Variants in AQR observed in about 807,000 individuals in gnomAD.
AQR encodes the protein aquarius intron-binding spliceosomal factor, also known as RNA helicase aquarius.
Under a neutral mutation model 180.5 loss-of-function variants are expected in AQR, and 61 were observed. The ratio of observed to expected loss-of-function variants is 0.34; its 90% CI spans 0.28 to 0.42. The LOEUF (loss-of-function observed/expected upper bound fraction) is 0.42, where lower values mean the gene tolerates loss of function less well. Among genes scored for constraint, AQR ranks in the 10% least tolerant of loss-of-function variants. The pLI, the probability that AQR is intolerant of heterozygous loss-of-function variation, is 1.00. For missense variants in AQR, 1,281 were observed against 1,798.3 expected, an observed-to-expected ratio of 0.71 and a Z score of 5.20; for synonymous variants, 551 against 588.8, an observed-to-expected ratio of 0.94 and a Z score of 0.93.
chr15:34,895,703 T>C (rs2061078768), intron 22 of AQR, among the ~76,000 whole-genome samples: 1 of 151,968 alleles, frequency 6.6e-6, no homozygotes, highest in South Asian at 2.1e-4. Flanking sequence ...CAAAATACAT[T>C]AAGCAAAAAT....
rs972073320 is a variant in AQR at position 34,851,883 on chromosome 15, T to C, written c.*4909A>G. ...TAAAATGTAAACAGAGAATGCTCAG[T>C]GACCTTTTCTTAGGAGGCTCACATG... is the stretch of plus-strand genomic sequence containing the variant. On this transcript the variant is annotated 3_prime_UTR_variant, in exon 35 of 35. Coordinates refer to ENST00000156471, the MANE Select transcript of AQR (RefSeq NM_014691.3). The C allele has an allele frequency of 1.3e-5, 2 of 152,222 alleles. No homozygotes were observed. Among genetic ancestry groups the C allele is most frequent in the African/African-American group, 4.8e-5 (2 of 41,448 alleles). The allele number at this position is 152,222 out of a possible 1,614,324, so 9.4% of individuals were successfully genotyped here. A position where few individuals can be genotyped will look rare whatever the true frequency, so the allele number is the denominator to read the frequency against.
chr15:34,902,509 T>C (rs2140477235), intron 19 of AQR, among the ~76,000 whole-genome samples: 1 of 152,232 alleles, frequency 6.6e-6, no homozygotes, highest in South Asian at 2.1e-4. Flanking sequence ...TTCAGGACAC[T>C]TTTATCCACA....
Position 34,915,187 on chromosome 15 carries a change from G to T in AQR, c.1343-8C>A. ...TGGGAAGAGCAAGACAACCTGAAAA[G>T]GAAAAAAACATCCATATTTCAATTT... On this transcript the variant is annotated splice_region_variant and splice_polypyrimidine_tract_variant and intron_variant, in intron 15 of 34. Transcript: ENST00000156471. 6.4e-7 allele frequency: 1 copy of T among 1,566,334 alleles called. No individual in the cohort carries two copies. The highest frequency in any genetic ancestry group is 8.6e-7 in the Non-Finnish European group (1 of 1,164,632).
At chr15:34,956,310 G>A (rs936742861) in intron 3 of AQR, among the ~76,000 whole-genome samples, 1 of 151,190 alleles carries the variant, frequency 6.6e-6, no homozygotes, top group Non-Finnish European at 1.5e-5. Flanking sequence ...ATACCGGAGT[G>A]TACTAGTTAA....
In AQR at chr15:34,948,258, A is replaced by C; in HGVS notation, c.330+6T>G. 1.2e-6 allele frequency: 2 copies of C among 1,613,240 alleles called. No homozygotes were observed. Among genetic ancestry groups the C allele is most frequent in the Non-Finnish European group, 8.5e-7 (1 of 1,179,734 alleles). ...TGAAAGCTATGAAGTACTTTAAATC[A>C]GTTACCTCCCATGCAGGCACGTTTT... On this transcript the variant is annotated splice_donor_region_variant and intron_variant, in intron 5 of 34. Transcript: ENST00000156471.
At position 34,950,335 on chromosome 15, in the gene AQR, G is replaced by A. The variant is rs576008591; in HGVS notation, c.210-1951C>T. ...GATCTCTTGACCTTGTGATCCACCCGCCTTGGCCTCCCAAAGTGCTGGGAT... is the reference window on the plus strand; with the variant it reads ...GATCTCTTGACCTTGTGATCCACCCACCTTGGCCTCCCAAAGTGCTGGGAT... On this transcript the variant is annotated intron_variant, in intron 4 of 34. Transcript: ENST00000156471. 1.3e-3 allele frequency among the ~76,000 whole-genome samples: 190 copies of A among 151,926 alleles called. 1 individual carries two copies. The Middle Eastern group carries it at 0.014, about 11-fold the overall frequency.
In AQR at chr15:34,875,583, G is replaced by GA. The variant is rs541546485; in HGVS notation, c.3237+351dup. Among the ~76,000 whole-genome samples, 158 of 150,878 alleles carry GA rather than the reference G, an allele frequency of 1.0e-3. 1 individual carries two copies. Among genetic ancestry groups the GA allele is most frequent in the African/African-American group, 3.7e-3 (153 of 41,190 alleles). Reference sequence around the variant, plus strand: ...GAAAAGCAATGCACTCAGTGAAAATGAAAAAAATAATTCTACAAACAATTA... The same window carrying GA: ...GAAAAGCAATGCACTCAGTGAAAATGAAAAAAAATAATTCTACAAACAATTA... On this transcript the variant is annotated intron_variant, in intron 28 of 34. Transcript: ENST00000156471.
rs546981515 is a variant in AQR at position 34,895,791 on chromosome 15, AAAC to A, written c.2460+1103_2460+1105del. On this transcript the variant is annotated intron_variant, in intron 22 of 34. Transcript: ENST00000156471. Reference sequence around the variant, plus strand: ...AATAGTCTGCTTTCAGTAATCAACAAAACAACAGACAGAAAATCAGCAATAATA... The same window carrying A: ...AATAGTCTGCTTTCAGTAATCAACAAAACAGACAGAAAATCAGCAATAATA... Among the ~76,000 whole-genome samples the A allele has an allele frequency of 1.0e-3, 159 of 152,300 alleles. 1 individual carries two copies. The highest frequency in any genetic ancestry group is 1.8e-3 in the African/African-American group (74 of 41,574).
Position 34,920,047 on chromosome 15 carries a change from G to A in AQR, c.1221+285C>T, listed in dbSNP as rs367567254. ...TTTACATTGTCAGAAAATAGCACAG[G>A]AATTTTTAGGAACTGAAAGAGACAA... On this transcript the variant is annotated intron_variant, in intron 14 of 34. Coordinates refer to ENST00000156471, the MANE Select transcript of AQR (RefSeq NM_014691.3). Among the ~76,000 whole-genome samples, 6 of 152,184 alleles carry A rather than the reference G, an allele frequency of 3.9e-5. No homozygotes were observed. The East Asian group carries it at 5.8e-4, about 15-fold the overall frequency.
intron 30 of AQR, among the ~76,000 whole-genome samples, chr15:34,872,819 C>T (rs1892839429): frequency 6.6e-6 from 1 of 151,484 alleles, no homozygotes; most frequent in East Asian, 1.9e-4. Context: ...GTATAACAAC[C>T]TATATTGGAT....
chr15:34,915,519 CTCTG>C (rs2140483543), intron 15 of AQR, among the ~76,000 whole-genome samples: 1 of 151,292 alleles, frequency 6.6e-6, no homozygotes, highest in East Asian at 2.0e-4. Context: ...GATATTTGTT[CTCTG>C]TATTAAAAAA....
intron 1 of AQR, 93 bp downstream of exon 1, chr15:34,969,446 G>T (rs187078083): frequency 1.5e-6 from 2 of 1,310,700 alleles, no homozygotes; most frequent in Middle Eastern, 1.8e-4. Flanking sequence ...TGCCTCCTCC[G>T]GACTCCTAAA....
intron 5 of AQR, among the ~76,000 whole-genome samples, chr15:34,946,898 C>T (rs1222991747): frequency 2.7e-5 from 4 of 148,900 alleles, no homozygotes; most frequent in African/African-American, 7.5e-5. Context: ...GGGGGGTCAG[C>T]CCCCCGTCCG....
intron 5 of AQR, among the ~76,000 whole-genome samples, chr15:34,945,900 T>C (rs998213856): frequency 2.0e-5 from 3 of 152,194 alleles, no homozygotes; most frequent in Non-Finnish European, 1.5e-5. Flanking sequence ...CTGATCAAGC[T>C]TCTGTTGCAC....
chr15:34,895,189 T>A (rs1371172359), intron 22 of AQR, among the ~76,000 whole-genome samples: 1,297 of 12,616 alleles, frequency 0.1, 32 homozygotes, highest in Non-Finnish European at 0.13. Context: ...AAAAAAAAAA[T>A]ATATATATAT....
chr15:34,897,534 C>T (rs771108390), intron 21 of AQR, 25 bp downstream of exon 21: 16 of 1,610,898 alleles, frequency 9.9e-6, no homozygotes, highest in African/African-American at 2.7e-5. Flanking sequence ...TTCATCATTA[C>T]AATTATAATA....
At chr15:34,932,848 G>A (rs1042989243) in intron 10 of AQR, among the ~76,000 whole-genome samples, 14 of 151,988 alleles carry the variant, frequency 9.2e-5, no homozygotes, top group African/African-American at 2.9e-4. Context: ...CCAGCTACTC[G>A]GGAAGCTGAG....
intron 31 of AQR, chr15:34,868,983 T>C (rs775309925): frequency 2.5e-4 from 38 of 152,338 alleles, no homozygotes; most frequent in Non-Finnish European, 4.3e-4. Context: ...TTTGTGGACA[T>C]GTTTTCATTG....
chr15:34,875,261 T>G (rs1892874394), intron 28 of AQR, among the ~76,000 whole-genome samples: 1 of 152,198 alleles, frequency 6.6e-6, no homozygotes, highest in African/African-American at 2.4e-5. Flanking sequence ...GGACCAATTC[T>G]GAACCCACCA....
Sources: gnomAD v4.1 joint callset for allele counts (sites outside exome capture counted in the v4.1 genomes callset) on GRCh38, gnomAD v4.1.1 for gene constraint, MANE v1.5 for transcripts, NCBI Gene and HGNC (gene_info 2026-07-23, HGNC 2026-07-21) for gene names.